NLGN4X: variants seen among roughly 807,000 people sequenced by gnomAD.
NLGN4X encodes the protein neuroligin-4, X-linked.
In NLGN4X, 3 loss-of-function variants were observed where a neutral mutation model predicts 40.3. The observed-to-expected ratio is 0.07, with a 90% CI of 0.03 to 0.19. The LOEUF is 0.19. Ranked by LOEUF, NLGN4X falls within the 10% of genes least tolerant of loss-of-function variation. The probability of loss-of-function intolerance (pLI) is 1.00; values close to 1 mark genes in which losing one functional copy is unlikely to be tolerated. For missense variants in NLGN4X, 382 were observed against 708.3 expected (o/e 0.54, Z 5.23); for synonymous variants, 270 against 306.8 (o/e 0.88, Z 1.25).
At chrX:5,973,332 A>T (rs1182657807) in intron 3 of NLGN4X, among the ~76,000 whole-genome samples, 3 of 112,453 alleles carry the variant, frequency 2.7e-5, no homozygotes, top group Non-Finnish European at 5.6e-5. Flanking sequence ...GACAGAAACC[A>T]TGTGGCTCAC....
chrX:6,103,735 T>G (rs2038972566), intron 2 of NLGN4X, among the ~76,000 whole-genome samples: 1 of 112,018 alleles, frequency 8.9e-6, no homozygotes, highest in Admixed American at 9.5e-5. Flanking sequence ...CTATGAAACC[T>G]GATGTCAACG....
intron 5 of NLGN4X, among the ~76,000 whole-genome samples, chrX:5,901,707 T>C (rs530049493): frequency 2.5e-4 from 28 of 110,099 alleles, no homozygotes; most frequent in Middle Eastern, 4.8e-3. Context: ...AGCAATATGA[T>C]ACAAATATCA....
chrX:6,177,159 TTTGA>T (rs1920968764), intron 1 of NLGN4X, among the ~76,000 whole-genome samples: 1 of 111,769 alleles, frequency 8.9e-6, no homozygotes, highest in Admixed American at 9.5e-5. Context: ...TTGCTTTTTG[TTTGA>T]TTGTTTTGTT....
chrX:5,947,672 T>G (rs749820673), intron 3 of NLGN4X, among the ~76,000 whole-genome samples: 3 of 112,152 alleles, frequency 2.7e-5, no homozygotes, highest in South Asian at 7.4e-4. Context: ...GATCTGTGCC[T>G]TATACAAGGA....
At chrX:5,931,436 T>C (rs1255770834) in intron 3 of NLGN4X, among the ~76,000 whole-genome samples, 1 of 111,847 alleles carries the variant, frequency 8.9e-6, no homozygotes, top group Non-Finnish European at 1.9e-5. Flanking sequence ...TTGCATTTCC[T>C]GGGTAATTTT....
Position 5,903,631 on chromosome X carries a change from G to A in NLGN4X, c.1047C>T (p.Ile349=), listed in dbSNP as rs1456896530. Residue 349 remains isoleucine, a synonymous_variant, in exon 5 of 6, where the codon ATC becomes ATT. Coordinates refer to ENST00000381095, the MANE Select transcript of NLGN4X (RefSeq NM_181332.3). The part of the protein sequence containing the change: ...AFGPVIDGDV[I]PDDPQILMEQ... ...CCATCAGGATCTGGGGGTCGTCTGGGATGACGTCGCCGTCGATCACCGGCC... is the reference window on the plus strand; with the variant it reads ...CCATCAGGATCTGGGGGTCGTCTGGAATGACGTCGCCGTCGATCACCGGCC... The A allele has an allele frequency of 3.3e-6, 4 of 1,211,656 alleles. No homozygotes were observed. The highest frequency in any genetic ancestry group is 1.7e-5 in the African/African-American group (1 of 57,720).
At chrX:6,142,073 C>G (rs773213535) in intron 2 of NLGN4X, among the ~76,000 whole-genome samples, 7 of 111,309 alleles carry the variant, frequency 6.3e-5, no homozygotes, top group Non-Finnish European at 1.1e-4. Flanking sequence ...ATGATATGCA[C>G]TATGTGAAAA....
At chrX:6,037,887 G>A (rs1009068593) in intron 2 of NLGN4X, among the ~76,000 whole-genome samples, 5 of 111,379 alleles carry the variant, frequency 4.5e-5, no homozygotes, top group Non-Finnish European at 7.5e-5. Flanking sequence ...CCCAGCTCTC[G>A]GCAGCAAGGA....
chrX:6,197,759 G>A (rs979435176), intron 1 of NLGN4X, among the ~76,000 whole-genome samples: 3 of 110,206 alleles, frequency 2.7e-5, no homozygotes, highest in African/African-American at 6.6e-5. Context: ...GCAGAAAGGT[G>A]CTAATTAAAC....
At chrX:6,005,835 C>A (rs12861223) in intron 3 of NLGN4X, among the ~76,000 whole-genome samples, 27,309 of 110,259 alleles carry the variant, frequency 0.25, 3,044 homozygotes, top group African/African-American at 0.42. Flanking sequence ...GCAAGCCCAA[C>A]AGACTTTGTT....
chrX:5,924,762 C>G (rs1366597568), intron 3 of NLGN4X, among the ~76,000 whole-genome samples: 1 of 111,355 alleles, frequency 9.0e-6, no homozygotes, highest in Non-Finnish European at 1.9e-5. Context: ...GAATGGAAAA[C>G]CAAACATCTT....
At chrX:6,105,047 C>T (rs191015834) in intron 2 of NLGN4X, among the ~76,000 whole-genome samples, 14 of 107,810 alleles carry the variant, frequency 1.3e-4, no homozygotes, top group African/African-American at 4.6e-4. Context: ...ATTTTACAAA[C>T]GTGAAAGTGT....
chrX:6,149,480 G>C (rs1286400313), intron 2 of NLGN4X, among the ~76,000 whole-genome samples: 4 of 111,480 alleles, frequency 3.6e-5, no homozygotes, highest in Non-Finnish European at 7.5e-5. Flanking sequence ...TCTCAACCCA[G>C]GTGGCTGCTC....
intron 2 of NLGN4X, among the ~76,000 whole-genome samples, chrX:6,134,435 A>T (rs1218074148): frequency 9.0e-6 from 1 of 111,238 alleles, no homozygotes; most frequent in Non-Finnish European, 1.9e-5. Context: ...TCTGGGACAC[A>T]TGCTTCTCCC....
At chrX:6,209,101 C>A (rs1924323680) in intron 1 of NLGN4X, among the ~76,000 whole-genome samples, 1 of 111,601 alleles carries the variant, frequency 9.0e-6, no homozygotes, top group African/African-American at 3.3e-5. Context: ...GAACTGGAGG[C>A]CATTACCTTA....
chrX:5,930,977 G>A (rs1480953895), intron 3 of NLGN4X, among the ~76,000 whole-genome samples: 2 of 111,758 alleles, frequency 1.8e-5, no homozygotes, highest in Non-Finnish European at 3.8e-5. Context: ...TTCCAGTTCA[G>A]CTACCACTTA....
chrX:6,060,956 G>C (rs757303697), intron 2 of NLGN4X, among the ~76,000 whole-genome samples: 2 of 111,500 alleles, frequency 1.8e-5, no homozygotes, highest in South Asian at 7.5e-4. Context: ...ATACACACTT[G>C]CAAGACTTTC....
chrX:6,009,830 A>T (rs1316683635), intron 3 of NLGN4X, among the ~76,000 whole-genome samples: 4 of 112,417 alleles, frequency 3.6e-5, no homozygotes, highest in African/African-American at 1.3e-4. Flanking sequence ...CTTTCACAAC[A>T]CAGGGGGCCC....
At chrX:5,999,678 C>A (rs2035924372) in intron 3 of NLGN4X, among the ~76,000 whole-genome samples, 1 of 112,108 alleles carries the variant, frequency 8.9e-6, no homozygotes, top group Admixed American at 9.5e-5. Context: ...TTTTGCATGT[C>A]ATCTGGTTCT....
Sources: gnomAD v4.1 joint callset for allele counts (sites outside exome capture counted in the v4.1 genomes callset) on GRCh38, gnomAD v4.1.1 for gene constraint, MANE v1.5 for transcripts, NCBI Gene and HGNC (gene_info 2026-07-23, HGNC 2026-07-21) for gene names.